The following TRAF3IP3 variants were observed in gnomAD, a reference collection of about 807,000 sequenced individuals.
TRAF3IP3 encodes TRAF3 interacting protein 3, also known as TRAF3-interacting JNK-activating modulator.
Under a neutral mutation model 86.5 loss-of-function variants are expected in TRAF3IP3, and 64 were observed. The observed-to-expected ratio is 0.74, with a 90% CI of 0.60 to 0.91. The LOEUF (loss-of-function observed/expected upper bound fraction) is 0.91, where lower values mean the gene tolerates loss of function less well. Ranked by LOEUF, TRAF3IP3 falls within the 40% of genes least tolerant of loss-of-function variation. TRAF3IP3 has a pLI of 0.00. For missense variants in TRAF3IP3, 579 were observed against 642.9 expected, an observed-to-expected ratio of 0.90 and a Z score of 1.07; for synonymous variants, 220 against 243.9, an observed-to-expected ratio of 0.90 and a Z score of 0.91.
At chr1:209,773,059 A>T in intron 9 of TRAF3IP3, 40 bp downstream of exon 9, 1 of 1,526,230 alleles carries the variant, frequency 6.6e-7, no homozygotes, top group Non-Finnish European at 8.9e-7. Context: ...AGGAATCTAG[A>T]ATTAAATGAG....
At chr1:209,765,368 A>G (rs993542517) in intron 8 of TRAF3IP3, among the ~76,000 whole-genome samples, 1 of 152,186 alleles carries the variant, frequency 6.6e-6, no homozygotes, top group Middle Eastern at 3.2e-3. Flanking sequence ...CCTGAATTAC[A>G]TGTTTTAAGA....
At chr1:209,781,482 A>G in intron 16 of TRAF3IP3, 24 bp downstream of exon 16, 1 of 1,540,088 alleles carries the variant, frequency 6.5e-7, no homozygotes, top group Non-Finnish European at 9.0e-7. Context: ...TCCTTCCCAT[A>G]AAGCCCTGGA....
At chr1:209,777,856 G>T (rs2077691658) in intron 12 of TRAF3IP3, 1 of 548,480 alleles carries the variant, frequency 1.8e-6, no homozygotes, top group African/African-American at 1.9e-5. Flanking sequence ...CATCCTCTGT[G>T]TCCGCTGATA....
chr1:209,775,532 A>C (rs2077634498), intron 10 of TRAF3IP3, 43 bp downstream of exon 10: 1 of 1,614,100 alleles, frequency 6.2e-7, no homozygotes, highest in Non-Finnish European at 8.5e-7. Context: ...GACTCCAGGC[A>C]GCTTGGGGAA....
chr1:209,762,763 C>G (rs751040128), intron 4 of TRAF3IP3, 50 bp from the exon 5 acceptor site: 1 of 1,263,620 alleles, frequency 7.9e-7, no homozygotes, highest in African/African-American at 4.1e-5. Context: ...TCCCCACTTC[C>G]CTCACTTCCT....
intron 13 of TRAF3IP3, 74 bp from the exon 14 acceptor site, chr1:209,779,240 TA>T: frequency 8.0e-7 from 1 of 1,253,390 alleles, no homozygotes; most frequent in Non-Finnish European, 1.1e-6. Context: ...ACCAAGGTTC[TA>T]AGCAAAGTTC....
At chr1:209,761,083 T>G (rs891162187) in intron 3 of TRAF3IP3, among the ~76,000 whole-genome samples, 1 of 152,264 alleles carries the variant, frequency 6.6e-6, no homozygotes. Flanking sequence ...AAGCTTATTA[T>G]ATGCCAAGCA....
At chr1:209,777,774 T>A in intron 12 of TRAF3IP3, 1 of 507,862 alleles carries the variant, frequency 2.0e-6, no homozygotes, top group Non-Finnish European at 3.5e-6. Flanking sequence ...GTCACATATG[T>A]CAAGGCCACA....
intron 1 of TRAF3IP3, among the ~76,000 whole-genome samples, chr1:209,756,610 C>T (rs1006163939): frequency 1.3e-5 from 2 of 152,094 alleles, no homozygotes; most frequent in Non-Finnish European, 2.9e-5. Flanking sequence ...ATTAAATGAC[C>T]TTTTACAGTT....
chr1:209,773,478 G>T (rs554252978), intron 9 of TRAF3IP3, among the ~76,000 whole-genome samples: 2 of 152,322 alleles, frequency 1.3e-5, no homozygotes, highest in African/African-American at 4.8e-5. Flanking sequence ...GAATGTAAAA[G>T]CTCTTTTACT....
chr1:209,763,687 A>C, intron 8 of TRAF3IP3, 100 bp downstream of exon 8: 2 of 1,014,844 alleles, frequency 2.0e-6, no homozygotes, highest in Non-Finnish European at 3.0e-6. Context: ...GGGTTTTCTC[A>C]CTACTGAAAA....
At chr1:209,771,820 G>A (rs1441663013) in intron 8 of TRAF3IP3, among the ~76,000 whole-genome samples, 2 of 139,584 alleles carry the variant, frequency 1.4e-5, no homozygotes, top group South Asian at 2.4e-4. Flanking sequence ...TGCATGTGAA[G>A]GTGTGTGTGT....
At chr1:209,757,481 G>A (rs553616333) in intron 1 of TRAF3IP3, among the ~76,000 whole-genome samples, 3 of 152,242 alleles carry the variant, frequency 2.0e-5, no homozygotes, top group African/African-American at 7.2e-5. Flanking sequence ...CTTACCTTTC[G>A]GCTTGGTGTA....
intron 16 of TRAF3IP3, 111 bp downstream of exon 16, chr1:209,781,569 C>A: frequency 2.7e-6 from 2 of 741,062 alleles, no homozygotes; most frequent in Non-Finnish European, 4.7e-6. Context: ...GCCATCCTGT[C>A]CCACTGTGCT....
Position 209,763,592 on chromosome 1 carries a change from G to T in TRAF3IP3, c.702+5G>T. On this transcript the variant is annotated splice_donor_5th_base_variant and intron_variant, in intron 8 of 16. Transcript: ENST00000367025. ...GCCTCTGACAGCTCTTGGAAGGTAA[G>T]GGAATGAAATTCTTTTTGAACAAAG... The T allele has an allele frequency of 1.2e-6, 2 of 1,607,782 alleles. No homozygotes were observed. The highest frequency in any genetic ancestry group is 1.7e-6 in the Non-Finnish European group (2 of 1,177,024).
At chr1:209,763,031 G>T in intron 5 of TRAF3IP3, 37 bp from the exon 6 acceptor site, 1 of 1,612,306 alleles carries the variant, frequency 6.2e-7, no homozygotes, top group Non-Finnish European at 8.5e-7. Flanking sequence ...TGATTCTTTG[G>T]TCCATTATCA....
intron 9 of TRAF3IP3, among the ~76,000 whole-genome samples, chr1:209,773,965 T>C (rs879041212): frequency 2.6e-5 from 4 of 152,264 alleles, no homozygotes; most frequent in African/African-American, 9.6e-5. Flanking sequence ...ATCTGGTTTT[T>C]AATGAAAGTT....
chr1:209,763,658 A>C, intron 8 of TRAF3IP3, 71 bp downstream of exon 8: 1 of 1,270,834 alleles, frequency 7.9e-7, no homozygotes, highest in Middle Eastern at 1.8e-4. Flanking sequence ...TTCTTTCCAC[A>C]TCATCACAGT....
chr1:209,779,244 CA>C, intron 13 of TRAF3IP3, 70 bp from the exon 14 acceptor site: 1 of 1,320,630 alleles, frequency 7.6e-7, no homozygotes, highest in Non-Finnish European at 1.1e-6. Flanking sequence ...AGGTTCTAAG[CA>C]AAGTTCTGAA....
Sources: allele counts gnomAD v4.1 joint callset (sites outside exome capture counted in the v4.1 genomes callset), GRCh38; gene constraint gnomAD v4.1.1; transcripts MANE v1.5; gene names NCBI Gene and HGNC (gene_info 2026-07-23, HGNC 2026-07-21).